Variants in EEA1 observed in about 807,000 individuals in gnomAD.
EEA1 encodes early endosome antigen 1, 162kD.
Under a neutral mutation model 209.2 loss-of-function variants are expected in EEA1, and 111 were observed. That is an observed-to-expected ratio of 0.53 (90% confidence interval 0.45 to 0.62). The LOEUF is 0.62. Among genes scored for constraint, EEA1 ranks in the 20% least tolerant of loss-of-function variants. The pLI is 0.00. For synonymous variants in EEA1, 536 were observed against 540.6 expected (o/e 0.99, Z 0.12); for missense variants, 1,343 against 1,530.8 (o/e 0.88, Z 2.05).
intron 3 of EEA1, chr12:92,858,285 C>T (rs1017905293): frequency 1.5e-5 from 11 of 738,988 alleles, no homozygotes; most frequent in Admixed American, 1.1e-4. Flanking sequence ...CCTTCTTGCA[C>T]GTGAAATTAC....
Position 92,862,953 on chromosome 12 carries a change from T to G in EEA1, c.245+1907A>C, listed in dbSNP as rs541518272. On this transcript the variant is annotated intron_variant, in intron 3 of 28. Coordinates refer to ENST00000322349, the MANE Select transcript of EEA1 (RefSeq NM_003566.4). Reference sequence around the variant, plus strand: ...AACTCTGTTTTCAAAATGTCAATGATGAGGTGCCTCCAGAACATCTGAGGG... The same window carrying G: ...AACTCTGTTTTCAAAATGTCAATGAGGAGGTGCCTCCAGAACATCTGAGGG... 1.8e-4 allele frequency among the ~76,000 whole-genome samples: 28 copies of G among 152,318 alleles called. No individual in the cohort carries two copies. The East Asian group carries it at 5.4e-3, about 29-fold the overall frequency.
At chr12:92,790,818 T>C (rs570701285) in intron 21 of EEA1, among the ~76,000 whole-genome samples, 1 of 152,186 alleles carries the variant, frequency 6.6e-6, no homozygotes, top group East Asian at 1.9e-4. Context: ...AGACACATAA[T>C]TGTCAGATTC....
intron 1 of EEA1, among the ~76,000 whole-genome samples, chr12:92,922,959 AAAAAT>A (rs77973737): frequency 0.27 from 38,586 of 145,370 alleles, 5,478 homozygotes; most frequent in Non-Finnish European, 0.32. Flanking sequence ...ACTCCACCTC[AAAAAT>A]AAAATAAAAT....
intron 1 of EEA1, among the ~76,000 whole-genome samples, chr12:92,911,385 T>G (rs1028730742): frequency 1.3e-5 from 2 of 152,192 alleles, no homozygotes; most frequent in African/African-American, 4.8e-5. Flanking sequence ...GGAGCCAATC[T>G]GAAAATGCTA....
At chr12:92,928,526 C>T (rs538625763) in intron 1 of EEA1, among the ~76,000 whole-genome samples, 1 of 152,216 alleles carries the variant, frequency 6.6e-6, no homozygotes, top group Non-Finnish European at 1.5e-5. Flanking sequence ...CCGGGGCTCA[C>T]CACACCACCC....
At chr12:92,820,889 G>A (rs1041025067) in intron 13 of EEA1, among the ~76,000 whole-genome samples, 21 of 151,866 alleles carry the variant, frequency 1.4e-4, no homozygotes, top group African/African-American at 4.8e-4. Flanking sequence ...TGCCCTGGTC[G>A]GTAATGTCTA....
rs1873491338 is a variant in EEA1, at chr12:92,772,895, G to T, written c.*3116C>A. On this transcript the variant is annotated 3_prime_UTR_variant, in exon 29 of 29. Coordinates refer to ENST00000322349, the MANE Select transcript of EEA1 (RefSeq NM_003566.4). Reference sequence around the variant, plus strand: ...TAAATTTATTACTTCTACACAGAAAGAACTTAGTGACTTCTAATTCTATTT... The same window carrying T: ...TAAATTTATTACTTCTACACAGAAATAACTTAGTGACTTCTAATTCTATTT... The T allele has an allele frequency of 1.3e-5, 2 of 152,346 alleles. No individual in the cohort carries two copies. Among genetic ancestry groups the T allele is most frequent in the East Asian group, 3.9e-4 (2 of 5,182 alleles). 9.4% of individuals were successfully genotyped at this position (152,346 alleles called of 1,614,324 possible).
In EEA1 at chr12:92,813,075, G is replaced by T; in HGVS notation, c.1948C>A (p.Leu650Ile). ...LDIQIKAKTE[L>I]LLSAEAAKTA... ...TTTGCTGCTTCTGCTGATAGTAATAGTTCGGTTTTGGCTTTAATCTGTAAC... is the reference window on the plus strand; with the variant it reads ...TTTGCTGCTTCTGCTGATAGTAATATTTCGGTTTTGGCTTTAATCTGTAAC... The change falls in exon 16 of 29, where the codon CTA (leucine) becomes ATA (isoleucine). Residue 650 changes from leucine (L) to isoleucine (I), a missense_variant. This residue lies in a region of EEA1 where 1,307 missense variants were observed against 1,465.5 expected (regional missense o/e 0.89). Coordinates refer to ENST00000322349, the MANE Select transcript of EEA1 (RefSeq NM_003566.4). 2 of 1,588,074 alleles carry T rather than the reference G, an allele frequency of 1.3e-6. No individual in the cohort carries two copies. Among genetic ancestry groups the T allele is most frequent in the Non-Finnish European group, 1.7e-6 (2 of 1,162,546 alleles).
chr12:92,921,023 G>A (rs1165827223), intron 1 of EEA1, among the ~76,000 whole-genome samples: 5 of 151,798 alleles, frequency 3.3e-5, no homozygotes, highest in Admixed American at 1.3e-4. Flanking sequence ...GGCCATCAGA[G>A]AAATGCAAAT....
At chr12:92,882,237 A>G (rs772338086) in intron 2 of EEA1, among the ~76,000 whole-genome samples, 7 of 151,862 alleles carry the variant, frequency 4.6e-5, no homozygotes, top group Non-Finnish European at 7.4e-5. Flanking sequence ...CCTCCTGAGT[A>G]GCTGGGATTA....
chr12:92,814,492 A>C (rs1019452155), intron 15 of EEA1, among the ~76,000 whole-genome samples: 2 of 152,012 alleles, frequency 1.3e-5, no homozygotes, highest in African/African-American at 4.8e-5. Flanking sequence ...GCATGCTTCA[A>C]CTAATGTAAT....
intron 1 of EEA1, among the ~76,000 whole-genome samples, chr12:92,892,981 C>CA (rs990723037): frequency 6.6e-6 from 1 of 152,080 alleles, no homozygotes; most frequent in Non-Finnish European, 1.5e-5. Flanking sequence ...TCAAGTGGTG[C>CA]AAAAAAGACC....
chr12:92,925,992 AT>A (rs2077180099), intron 1 of EEA1, among the ~76,000 whole-genome samples: 1 of 151,598 alleles, frequency 6.6e-6, no homozygotes. Flanking sequence ...GGAATGCCAC[AT>A]AATTTTTTTT....
At chr12:92,831,574 T>C (rs1876637067) in intron 11 of EEA1, among the ~76,000 whole-genome samples, 1 of 145,786 alleles carries the variant, frequency 6.9e-6, no homozygotes, top group Non-Finnish European at 1.5e-5. Context: ...TGTGTATATA[T>C]ACTATATATA....
Position 92,857,266 on chromosome 12 carries a change from A to C in EEA1, c.366+9T>G, listed in dbSNP as rs536465108. On this transcript the variant is annotated intron_variant, in intron 5 of 28. Transcript: ENST00000322349. The stretch of plus-strand genomic sequence containing the variant: ...AATAAACATGCTTTAAGTAGTTAAA[A>C]GCAATTACTTGCTGCTGCAGCCCTT... 37 of 1,572,914 alleles carry C rather than the reference A, an allele frequency of 2.4e-5. No homozygotes were observed. In the Middle Eastern group the frequency reaches 6.9e-4, roughly 29 times the overall value.
intron 1 of EEA1, among the ~76,000 whole-genome samples, chr12:92,926,564 G>A (rs186043897): frequency 1.5e-3 from 223 of 152,210 alleles, no homozygotes; most frequent in African/African-American, 5.2e-3. Flanking sequence ...TAAATACTCA[G>A]CATTAACACT....
intron 2 of EEA1, among the ~76,000 whole-genome samples, chr12:92,874,646 G>A (rs1434845827): frequency 1.3e-5 from 2 of 152,254 alleles, no homozygotes; most frequent in Admixed American, 6.5e-5. Context: ...GATTACAGGC[G>A]TGAGCCACAG....
At position 92,778,183 on chromosome 12, in the gene EEA1, A is replaced by T. The variant is rs1873744660; in HGVS notation, c.3655-4T>A. 6.2e-7 allele frequency: 1 copy of T among 1,601,554 alleles called. No homozygotes were observed. The highest frequency in any genetic ancestry group is 1.3e-5 in the African/African-American group (1 of 74,348). The stretch of plus-strand genomic sequence containing the variant: ...CCTTTTCTTTTATTTCGGAATGCTG[A>T]AAAAAAGGAAAAGTTGGGGGGAAAT... On this transcript the variant is annotated splice_region_variant and splice_polypyrimidine_tract_variant and intron_variant, in intron 25 of 28. Coordinates refer to ENST00000322349, the MANE Select transcript of EEA1 (RefSeq NM_003566.4).
chr12:92,842,359 A>T, intron 10 of EEA1, 106 bp downstream of exon 10: 1 of 602,736 alleles, frequency 1.7e-6, no homozygotes, highest in Non-Finnish European at 2.8e-6. Flanking sequence ...AAAAAAAAAA[A>T]ATAAGTCACA....
Sources: gnomAD v4.1 joint callset for allele counts (sites outside exome capture counted in the v4.1 genomes callset) on GRCh38, gnomAD v4.1.1 for gene constraint, gnomAD v4.1.1 regional missense constraint, MANE v1.5 for transcripts, NCBI Gene and HGNC (gene_info 2026-07-23, HGNC 2026-07-21) for gene names.